Variants in MUC3A observed in about 807,000 individuals in gnomAD.
MUC3A encodes mucin-3A.
MUC3A carries 109 observed loss-of-function variants against 109.0 expected under a neutral mutation model. The observed-to-expected ratio is 1.00, with a 90% CI of 0.86 to 1.17. The LOEUF is 1.17. Ranked by LOEUF, MUC3A falls within the 50% of genes most tolerant of loss-of-function variation. MUC3A has a pLI of 0.00. For synonymous variants in MUC3A, 1,398 were observed against 981.4 expected (o/e 1.42, Z -7.93); for missense variants, 3,537 against 2,469.4 (o/e 1.43, Z -9.16).
chr7:100,958,291 C>G lies in MUC3A; in HGVS notation c.6512C>G (p.Thr2171Ser). 2.9e-5 allele frequency: 5 copies of G among 170,524 alleles called. No homozygotes were observed. The highest frequency in any genetic ancestry group is 3.8e-5 in the Non-Finnish European group (5 of 132,714). 10.6% of individuals were successfully genotyped at this position (170,524 alleles called of 1,614,324 possible). Reference sequence around the variant, plus strand: ...TCTTTGATCACCACCACGGAGACCACCTCACACAGGTGGGGGACCACCGAG... The same window carrying G: ...TCTTTGATCACCACCACGGAGACCAGCTCACACAGGTGGGGGACCACCGAG... ...FTSLITTTETTSHRWGTTETT... is the reference protein window; with the variant it reads ...FTSLITTTETSSHRWGTTETT... Residue 2171 changes from threonine to serine, a missense_variant, in exon 2 of 12, where the codon ACC becomes AGC. By Grantham distance (58) the Thr-to-Ser change is moderately conservative. Coordinates refer to ENST00000379458, the MANE Select transcript of MUC3A (RefSeq NM_005960.2).
chr7:100,961,202 G>T (rs754280783), intron 3 of MUC3A, among the ~76,000 whole-genome samples: 15 of 152,416 alleles, frequency 9.8e-5, no homozygotes, highest in Non-Finnish European at 2.1e-4. Context: ...AACTGCTGCC[G>T]GGCCAACAAA....
Position 100,955,961 on chromosome 7 carries a change from C to T in MUC3A, c.4182C>T (p.Thr1394=), listed in dbSNP as rs1372235389. Reference sequence around the variant, plus strand: ...CCATCACTTCTTCAATCACTCCCACCGATACAATGACTTCTATGAGAACTA... The same window carrying T: ...CCATCACTTCTTCAATCACTCCCACTGATACAATGACTTCTATGAGAACTA... ...TPPITSSITP[T]DTMTSMRTTT... is the part of the protein sequence containing the mutation. Residue 1394 remains threonine (T), a synonymous_variant, in exon 2 of 12, where the codon ACC becomes ACT. Transcript: ENST00000379458. 19 of 430,756 alleles carry T rather than the reference C, an allele frequency of 4.4e-5. No individual in the cohort carries two copies. The highest frequency in any genetic ancestry group is 3.4e-4 in the African/African-American group (10 of 29,336). 26.7% of individuals were successfully genotyped at this position (430,756 alleles called of 1,614,324 possible).
At position 100,960,887 on chromosome 7, in the gene MUC3A, G is replaced by A. The variant is rs1204437086; in HGVS notation, c.9002G>A (p.Ser3001Asn). Residue 3001 changes from serine (S) to asparagine (N), a missense_variant, in exon 3 of 12, where the codon AGC becomes AAC. Coordinates refer to ENST00000379458, the MANE Select transcript of MUC3A (RefSeq NM_005960.2). ...QWDGLKCQCPSTFYGSSCEFA... is the reference protein window; with the variant it reads ...QWDGLKCQCPNTFYGSSCEFA... ...GATGGCCTCAAATGCCAGTGCCCCAGCACCTTCTATGGTTCCAGTTGTGAG... is the reference window on the plus strand; with the variant it reads ...GATGGCCTCAAATGCCAGTGCCCCAACACCTTCTATGGTTCCAGTTGTGAG... 1 of 1,598,540 alleles carries A rather than the reference G, an allele frequency of 6.3e-7. No individual in the cohort carries two copies. Among genetic ancestry groups the A allele is most frequent in the Non-Finnish European group, 8.5e-7 (1 of 1,179,818 alleles).
intron 5 of MUC3A, chr7:100,964,207 C>A: frequency 4.1e-6 from 1 of 241,226 alleles, no homozygotes; most frequent in East Asian, 1.0e-4. Context: ...GTAGGCTAGG[C>A]GGGTGGATCA....
At position 100,959,876 on chromosome 7, in the gene MUC3A, A is replaced by C; in HGVS notation, c.8097A>C (p.Ile2699=). 6.4e-7 allele frequency: 1 copy of C among 1,555,318 alleles called. No homozygotes were observed. The highest frequency in any genetic ancestry group is 1.2e-5 in the South Asian group (1 of 81,372). The part of the protein sequence containing the change: ...IMSSSPSSAS[I]TPVFSTTIHS... ...CCTCTTCTCCATCTTCTGCCAGCAT[A>C]ACTCCAGTGTTTTCCACTACCATTC... Residue 2699 remains isoleucine (I), a synonymous_variant, in exon 2 of 12, where the codon ATA becomes ATC. Transcript: ENST00000379458.
rs796301755 is a variant in MUC3A, at chr7:100,959,134, T to G, written c.7355T>G (p.Val2452Gly). 7.1e-7 allele frequency: 1 copy of G among 1,399,160 alleles called. No individual in the cohort carries two copies. Among genetic ancestry groups the G allele is most frequent in the Non-Finnish European group, 9.3e-7 (1 of 1,080,980 alleles). 86.7% of individuals were successfully genotyped at this position (1,399,160 alleles called of 1,614,324 possible). A position where few individuals can be genotyped will look rare whatever the true frequency, so the allele number is the denominator to read the frequency against. The change falls in exon 2 of 12, where the codon GTC becomes GGC. Residue 2452 changes from valine (V) to glycine (G), a missense_variant. Transcript: ENST00000379458. Reference sequence around the variant, plus strand: ...AGTTCTTCAACCATCTACTCCACAGTCAGCACATCCACAACTGCCATCACC... The same window carrying G: ...AGTTCTTCAACCATCTACTCCACAGGCAGCACATCCACAACTGCCATCACC... ...SLSSSTIYST[V>G]STSTTAITSH...
chr7:100,957,204 A>G lies in MUC3A; in HGVS notation c.5425A>G (p.Ile1809Val), dbSNP rs976221217. The G allele has an allele frequency of 1.7e-4, 81 of 471,768 alleles. No individual in the cohort carries two copies. The South Asian group carries it at 3.4e-3, about 20-fold the overall frequency. 29.2% of individuals were successfully genotyped at this position (471,768 alleles called of 1,614,324 possible). ...SSTPVPSTEAITSGTTNTTPL... is the reference protein window; with the variant it reads ...SSTPVPSTEAVTSGTTNTTPL... ...TACGCCTGTCCCAAGTACAGAAGCG[A>G]TCACCAGTGGTACCACAAACACCAC... is the stretch of plus-strand genomic sequence containing the variant. The change falls in exon 2 of 12, where the codon ATC becomes GTC. Residue 1809 changes from isoleucine to valine, a missense_variant. By Grantham distance (29) the Ile-to-Val change is conservative. Coordinates refer to ENST00000379458, the MANE Select transcript of MUC3A (RefSeq NM_005960.2).
rs1421141970 is a variant in MUC3A, at chr7:100,967,224, G to A, written c.*62G>A. On this transcript the variant is annotated 3_prime_UTR_variant, in exon 12 of 12. Transcript: ENST00000379458. ...CCCCGGACACAAGGGTCTGCATTGC[G>A]TCCATTTCAAGAGGTGGCCCCAGGA... is the stretch of plus-strand genomic sequence containing the variant. The A allele has an allele frequency of 7.5e-6, 12 of 1,593,928 alleles. No individual in the cohort carries two copies. The African/African-American group carries it at 1.1e-4, about 14-fold the overall frequency.
chr7:100,963,426 C>T (rs1194659284), intron 4 of MUC3A, among the ~76,000 whole-genome samples, 160 bp downstream of exon 4: 2 of 152,422 alleles, frequency 1.3e-5, no homozygotes, highest in Admixed American at 6.5e-5. Flanking sequence ...GCTGGGATTA[C>T]AGGTGCACAC....
Position 100,960,452 on chromosome 7 carries a change from C to T in MUC3A, c.8673C>T (p.Leu2891=), listed in dbSNP as rs761460251. The part of the protein sequence containing the change: ...LPLPGVSTIP[L]TMKPSSSLPT... ...TTCCTGGCGTCTCTACCATCCCGCTCACCATGAAACCAAGCAGTAGCCTCC... is the reference window on the plus strand; with the variant it reads ...TTCCTGGCGTCTCTACCATCCCGCTTACCATGAAACCAAGCAGTAGCCTCC... Residue 2891 remains leucine (L), a synonymous_variant, in exon 2 of 12, where the codon CTC becomes CTT. Coordinates refer to ENST00000379458, the MANE Select transcript of MUC3A (RefSeq NM_005960.2). The T allele has an allele frequency of 1.9e-6, 3 of 1,598,510 alleles. No homozygotes were observed. Among genetic ancestry groups the T allele is most frequent in the Admixed American group, 1.7e-5 (1 of 60,014 alleles).
At position 100,965,861 on chromosome 7, in the gene MUC3A, G is replaced by T. The variant is rs587629372; in HGVS notation, c.9606G>T (p.Thr3202=). The change falls in exon 8 of 12, where the codon ACG becomes ACT. Residue 3202 remains threonine (T), a synonymous_variant. Coordinates refer to ENST00000379458, the MANE Select transcript of MUC3A (RefSeq NM_005960.2). ...GCGTTCTGGAGACGAGCGGTCCCACGTGTCGGTAAGGCCCCGCTCACCATC... is the reference window on the plus strand; with the variant it reads ...GCGTTCTGGAGACGAGCGGTCCCACTTGTCGGTAAGGCCCCGCTCACCATC... The part of the protein sequence containing the change: ...GQCVLETSGP[T]CRCYSTDTHW... 1 of 1,591,894 alleles carries T rather than the reference G, an allele frequency of 6.3e-7. No individual in the cohort carries two copies. Among genetic ancestry groups the T allele is most frequent in the Non-Finnish European group, 8.5e-7 (1 of 1,175,296 alleles).
chr7:100,963,202 C>A lies in MUC3A; in HGVS notation c.9104C>A (p.Ser3035Ter), dbSNP rs985748159. ...GAAGTGTCTGTGGATCAGCAGTTCT[C>A]GCCGGACCTCAATGACAACACTTCC... is the stretch of plus-strand genomic sequence containing the variant. ...GMEVSVDQQF[S>*]PDLNDNTSQA... Residue 3035 changes from serine to a stop codon, truncating the protein, a stop_gained, in exon 4 of 12, where the codon TCG becomes TAG. Coordinates refer to ENST00000379458, the MANE Select transcript of MUC3A (RefSeq NM_005960.2). LOFTEE classifies it high-confidence loss of function. The A allele has an allele frequency of 3.1e-6, 5 of 1,598,224 alleles. No homozygotes were observed. Among genetic ancestry groups the A allele is most frequent in the Admixed American group, 1.7e-5 (1 of 59,996 alleles).
Position 100,958,635 on chromosome 7 carries a change from A to G in MUC3A, c.6856A>G (p.Ser2286Gly). 2.7e-6 allele frequency: 4 copies of G among 1,464,380 alleles called. No homozygotes were observed. Among genetic ancestry groups the G allele is most frequent in the East Asian group, 4.5e-5 (2 of 44,292 alleles). 90.7% of individuals were successfully genotyped at this position (1,464,380 alleles called of 1,614,324 possible). Residue 2286 changes from serine (S) to glycine (G), a missense_variant, in exon 2 of 12, where the codon AGT becomes GGT. Coordinates refer to ENST00000379458, the MANE Select transcript of MUC3A (RefSeq NM_005960.2). The stretch of plus-strand genomic sequence containing the variant: ...CACCACCAGTGAGACCCCCTCACAC[A>G]GTACTCCCAGCTCCACTTCTTTAAT... Reference protein sequence around the residue: ...SITTSETPSHSTPSSTSLITT... With the variant: ...SITTSETPSHGTPSSTSLITT...
In MUC3A at chr7:100,960,506, A is replaced by T. The variant is rs778473623; in HGVS notation, c.8727A>T (p.Ser2909=). ...CCATCCTGAGGACTTCAAGCAAGTCAACACACCCCTCCCCACCCACCACTA... is the reference window on the plus strand; with the variant it reads ...CCATCCTGAGGACTTCAAGCAAGTCTACACACCCCTCCCCACCCACCACTA... ...LPTILRTSSK[S]THPSPPTTRT... is the part of the protein sequence containing the mutation. The change falls in exon 2 of 12, where the codon TCA becomes TCT. Residue 2909 remains serine (S), a synonymous_variant. Coordinates refer to ENST00000379458, the MANE Select transcript of MUC3A (RefSeq NM_005960.2). 6.3e-7 allele frequency: 1 copy of T among 1,598,592 alleles called. No individual in the cohort carries two copies. Among genetic ancestry groups the T allele is most frequent in the South Asian group, 1.1e-5 (1 of 91,096 alleles).
Position 100,953,769 on chromosome 7 carries a change from AC to A in MUC3A, c.1992del (p.Ser665ValfsTer14), listed in dbSNP as rs1792032091. On this transcript the variant is annotated frameshift_variant, in exon 2 of 12. Coordinates refer to ENST00000379458, the MANE Select transcript of MUC3A (RefSeq NM_005960.2). LOFTEE classifies it high-confidence loss of function. ...AACCACCAATTCTTTTACATCACTGACCAGTATGCCTCTGTCTTCTACACCT... is the reference window on the plus strand; with the variant it reads ...AACCACCAATTCTTTTACATCACTGACAGTATGCCTCTGTCTTCTACACCT... ...PTTTNSFTSL[T>X]SMPLSSTPVP... The A allele has an allele frequency of 2.3e-6, 1 of 433,608 alleles. No individual in the cohort carries two copies. Among genetic ancestry groups the A allele is most frequent in the Admixed American group, 4.1e-5 (1 of 24,470 alleles). 26.9% of individuals were successfully genotyped at this position (433,608 alleles called of 1,614,324 possible).
rs1461768648 is a variant in MUC3A at position 100,958,980 on chromosome 7, A to G, written c.7201A>G (p.Thr2401Ala). ...GLTSWVTTTK[T>A]TSHITPGLTS... ...CACTTCGTGGGTCACCACCACCAAG[A>G]CCACCTCACACATTACTCCTGGCCT... The change falls in exon 2 of 12, where the codon ACC becomes GCC. Residue 2401 changes from threonine to alanine, a missense_variant. By Grantham distance (58) the Thr-to-Ala change is moderately conservative. Transcript: ENST00000379458. 2 of 1,415,780 alleles carry G rather than the reference A, an allele frequency of 1.4e-6. No homozygotes were observed. The highest frequency in any genetic ancestry group is 1.2e-5 in the South Asian group (1 of 81,746). 87.7% of individuals were successfully genotyped at this position (1,415,780 alleles called of 1,614,324 possible).
chr7:100,965,286 G>A lies in MUC3A; in HGVS notation c.9387G>A (p.Leu3129=). The A allele has an allele frequency of 6.3e-7, 1 of 1,599,166 alleles. No homozygotes were observed. Among genetic ancestry groups the A allele is most frequent in the Non-Finnish European group, 8.5e-7 (1 of 1,179,702 alleles). Residue 3129 remains leucine, a synonymous_variant, in exon 7 of 12, where the codon CTG becomes CTA. Coordinates refer to ENST00000379458, the MANE Select transcript of MUC3A (RefSeq NM_005960.2). ...TCTGTGCCTGTGTTTCCGCAGCCCT[G>A]TGTTTTAAGCCTGACTCCATCAAGG... The part of the protein sequence containing the change: ...DVNSCQDSQT[L]CFKPDSIKVN...
In MUC3A at chr7:100,966,442, A is replaced by G. The variant is rs914028952; in HGVS notation, c.9668A>G (p.His3223Arg). 7.4e-7 allele frequency: 1 copy of G among 1,349,912 alleles called. No individual in the cohort carries two copies. Among genetic ancestry groups the G allele is most frequent in the Non-Finnish European group, 9.4e-7 (1 of 1,058,592 alleles). 83.6% of individuals were successfully genotyped at this position (1,349,912 alleles called of 1,614,324 possible). Residue 3223 changes from histidine (H) to arginine (R), a missense_variant, in exon 9 of 12, where the codon CAC becomes CGC. Coordinates refer to ENST00000379458, the MANE Select transcript of MUC3A (RefSeq NM_005960.2). ...GGCCCGCGCTGCGAGGTGGCCGTCC[A>G]CTGGAGGGCGCTGGTCGGGGGCCTG... ...FSGPRCEVAV[H>R]WRALVGGLTA...
At chr7:100,966,049 T>TAGCCCTAAAGTGTAGCCCCGCCTCC in intron 8 of MUC3A, 183 bp downstream of exon 8, 4 of 855,046 alleles carry the variant, frequency 4.7e-6, no homozygotes, top group Non-Finnish European at 6.7e-6. Context: ...GCTCTGCTCC[T>TAGCCCTAAAGTGTAGCCCCGCCTCC]TTGATGGGGT....
Sources: allele counts gnomAD v4.1 joint callset (sites outside exome capture counted in the v4.1 genomes callset), GRCh38; gene constraint gnomAD v4.1.1; transcripts MANE v1.5; gene names NCBI Gene and HGNC (gene_info 2026-07-23, HGNC 2026-07-21).